The following SLC4A4 variants were observed in gnomAD, a reference collection of about 807,000 sequenced individuals.
The protein encoded by SLC4A4 is electrogenic sodium bicarbonate cotransporter 1.
Under a neutral mutation model 111.5 loss-of-function variants are expected in SLC4A4, and 27 were observed. That is an observed-to-expected ratio of 0.24 (90% confidence interval 0.18 to 0.33). The LOEUF (loss-of-function observed/expected upper bound fraction) is 0.33. Among genes scored for constraint, SLC4A4 ranks in the 10% least tolerant of loss-of-function variants. SLC4A4 has a pLI of 1.00. For missense variants in SLC4A4, 909 were observed against 1,315.5 expected, an observed-to-expected ratio of 0.69 and a Z score of 4.78; for synonymous variants, 443 against 463.4, an observed-to-expected ratio of 0.96 and a Z score of 0.57.
At chr4:71,208,728 C>T (rs971654478) in intron 1 of SLC4A4, among the ~76,000 whole-genome samples, 4 of 151,816 alleles carry the variant, frequency 2.6e-5, no homozygotes, top group Non-Finnish European at 4.4e-5. Flanking sequence ...TTTTAAATCA[C>T]CTTTCTTTTT....
In SLC4A4 at chr4:71,356,546, A is replaced by C. The variant is rs149490516; in HGVS notation, c.551-462A>C. On this transcript the variant is annotated intron_variant, in intron 5 of 25. Transcript: ENST00000264485. ...CTGTTTCCCTTGACTGTATTCTATT[A>C]TTAAGTACGTATAACATCACAGAAG... Among the ~76,000 whole-genome samples the C allele has an allele frequency of 2.6e-3, 392 of 152,298 alleles. 1 individual carries two copies. The highest frequency in any genetic ancestry group is 8.8e-3 in the African/African-American group (364 of 41,580).
intron 18 of SLC4A4, among the ~76,000 whole-genome samples, chr4:71,538,969 C>T (rs1734805855): frequency 6.6e-6 from 1 of 151,968 alleles, no homozygotes. Flanking sequence ...AGATACTTCT[C>T]ACAAGGAAGG....
chr4:71,279,502 GTAT>G (rs1723336531), intron 3 of SLC4A4, among the ~76,000 whole-genome samples: 2 of 152,148 alleles, frequency 1.3e-5, no homozygotes, highest in South Asian at 4.1e-4. Flanking sequence ...GTATATGTAT[GTAT>G]TATATATTTT....
intron 16 of SLC4A4, among the ~76,000 whole-genome samples, chr4:71,517,712 T>C (rs1444558804): frequency 6.6e-6 from 1 of 152,224 alleles, no homozygotes; most frequent in African/African-American, 2.4e-5. Flanking sequence ...TTTCTGTGCA[T>C]TTGAAGACAT....
At chr4:71,557,627 G>T (rs1364939944) in intron 21 of SLC4A4, 85 bp from the exon 22 acceptor site, 7 of 1,356,546 alleles carry the variant, frequency 5.2e-6, no homozygotes, top group Non-Finnish European at 7.4e-6. Flanking sequence ...CTAAATTATA[G>T]AATATAAATC....
intron 3 of SLC4A4, among the ~76,000 whole-genome samples, chr4:71,331,588 G>T (rs1262488053): frequency 1.3e-5 from 2 of 149,450 alleles, no homozygotes; most frequent in Non-Finnish European, 3.0e-5. Flanking sequence ...TTGTGGGGTT[G>T]GGGGAGGGGG....
chr4:71,376,700 C>T lies in SLC4A4; in HGVS notation c.730+19513C>T, dbSNP rs374453847. Among the ~76,000 whole-genome samples the T allele has an allele frequency of 3.7e-3, 561 of 151,580 alleles. 3 individuals carry two copies. The highest frequency in any genetic ancestry group is 0.012 in the African/African-American group (495 of 41,332). On this transcript the variant is annotated intron_variant, in intron 6 of 25. Transcript: ENST00000264485. The stretch of plus-strand genomic sequence containing the variant: ...TCACCCAGGCTGGAGTGCAGTGGTG[C>T]GATCTGTCTCACTGCAACCTCCACT...
At chr4:71,414,590 G>A (rs1262920628) in intron 7 of SLC4A4, among the ~76,000 whole-genome samples, 2 of 152,160 alleles carry the variant, frequency 1.3e-5, no homozygotes, top group Non-Finnish European at 2.9e-5. Context: ...AGAAGTCTAT[G>A]TTTTTTATTA....
At chr4:71,226,339 G>A (rs1218491263) in intron 1 of SLC4A4, among the ~76,000 whole-genome samples, 1 of 152,134 alleles carries the variant, frequency 6.6e-6, no homozygotes, top group African/African-American at 2.4e-5. Flanking sequence ...GTAGTTTATG[G>A]TGTGATTTAT....
At chr4:71,239,053 A>C (rs1302482954) in intron 2 of SLC4A4, among the ~76,000 whole-genome samples, 1 of 152,194 alleles carries the variant, frequency 6.6e-6, no homozygotes, top group Admixed American at 6.5e-5. Flanking sequence ...GAAGAAAAGC[A>C]AACTGTTATC....
In SLC4A4 at chr4:71,329,191, A is replaced by G. The variant is rs771534956; in HGVS notation, c.254-10179A>G. ...TTCCATTGGTTTGTGTGTCATTTTT[A>G]TGGCAGTACTCTGTTGTTTTGGTTA... On this transcript the variant is annotated intron_variant, in intron 3 of 25. Transcript: ENST00000264485. Among the ~76,000 whole-genome samples the G allele has an allele frequency of 2.1e-4, 32 of 152,088 alleles. No homozygotes were observed. In the East Asian group the frequency reaches 3.5e-3, roughly 17 times the overall value.
intron 2 of SLC4A4, among the ~76,000 whole-genome samples, chr4:71,178,842 T>C (rs1745186824): frequency 6.6e-6 from 1 of 152,220 alleles, no homozygotes; most frequent in African/African-American, 2.4e-5. Context: ...GAATCCTCCC[T>C]AACTCATTTT....
rs1419839719 is a variant in SLC4A4, at chr4:71,227,297, G to C, written c.-1-9279G>C. Among the ~76,000 whole-genome samples the C allele has an allele frequency of 2.0e-5, 3 of 152,314 alleles. No individual in the cohort carries two copies. In the South Asian group the frequency reaches 6.2e-4, roughly 32 times the overall value. On this transcript the variant is annotated intron_variant, in intron 1 of 25. Transcript: ENST00000264485. Reference sequence around the variant, plus strand: ...GTATGGCATGGGGATGGTAGGACCTGAGCTTACGTTTCATGTTAAGCAAGT... The same window carrying C: ...GTATGGCATGGGGATGGTAGGACCTCAGCTTACGTTTCATGTTAAGCAAGT...
intron 1 of SLC4A4, among the ~76,000 whole-genome samples, chr4:71,068,885 G>C (rs1348605039): frequency 6.6e-6 from 1 of 152,158 alleles, no homozygotes; most frequent in African/African-American, 2.4e-5. Flanking sequence ...ATTTTTAGCA[G>C]TGCTTTTTAC....
chr4:71,362,004 T>C (rs554389882), intron 6 of SLC4A4, among the ~76,000 whole-genome samples: 1 of 152,318 alleles, frequency 6.6e-6, no homozygotes, highest in African/African-American at 2.4e-5. Flanking sequence ...TGTATTGTCT[T>C]ATCCCAAAGC....
At chr4:71,470,009 C>A (rs1727718770) in intron 13 of SLC4A4, among the ~76,000 whole-genome samples, 1 of 151,960 alleles carries the variant, frequency 6.6e-6, no homozygotes, top group South Asian at 2.1e-4. Flanking sequence ...TAGAACAAAT[C>A]AAGATTGCTC....
intron 15 of SLC4A4, among the ~76,000 whole-genome samples, chr4:71,492,925 T>C (rs886984892): frequency 6.6e-6 from 1 of 151,976 alleles, no homozygotes; most frequent in Non-Finnish European, 1.5e-5. Flanking sequence ...TTCCTTTTAC[T>C]GGGTTATATT....
At chr4:71,212,880 T>C (rs1394621540) in intron 1 of SLC4A4, among the ~76,000 whole-genome samples, 1 of 152,196 alleles carries the variant, frequency 6.6e-6, no homozygotes, top group African/African-American at 2.4e-5. Flanking sequence ...AACGATGTTT[T>C]GGTCAATGAT....
rs115272319 is a variant in SLC4A4, at chr4:71,345,121, T to G, written c.390-4791T>G. On this transcript the variant is annotated intron_variant, in intron 4 of 25. Transcript: ENST00000264485. ...TGGTTCTTCCAAAATAGAGCACAAG[T>G]TGAATATGGTAAAAAGGGTAGACTT... Among the ~76,000 whole-genome samples, 1,385 of 152,194 alleles carry G rather than the reference T, an allele frequency of 9.1e-3. 25 individuals are homozygous for G. The highest frequency in any genetic ancestry group is 0.032 in the African/African-American group (1,333 of 41,524).
Sources: gnomAD v4.1 joint callset for allele counts (sites outside exome capture counted in the v4.1 genomes callset) on GRCh38, gnomAD v4.1.1 for gene constraint, MANE v1.5 for transcripts, NCBI Gene and HGNC (gene_info 2026-07-23, HGNC 2026-07-21) for gene names.